The following CREB5 variants were observed in gnomAD, a reference collection of about 807,000 sequenced individuals.
The protein encoded by CREB5 is cyclic AMP-responsive element-binding protein 5.
CREB5 carries 19 observed loss-of-function variants against 57.1 expected under a neutral mutation model. The ratio of observed to expected loss-of-function variants is 0.33; its 90% CI spans 0.23 to 0.49. CREB5 has a LOEUF of 0.49. Ranked by LOEUF, CREB5 falls within the 20% of genes least tolerant of loss-of-function variation. The pLI is 0.99. For synonymous variants in CREB5, 238 were observed against 238.3 expected (o/e 1.00, Z 0.01); for missense variants, 579 against 671.6 (o/e 0.86, Z 1.52).
chr7:28,460,912 T>C (rs922203439), intron 1 of CREB5, among the ~76,000 whole-genome samples: 31 of 151,692 alleles, frequency 2.0e-4, no homozygotes, highest in African/African-American at 5.6e-4. Context: ...GTGGATCTTA[T>C]GGGGGGGCAT....
chr7:28,507,598 C>T lies in CREB5; in HGVS notation c.170-18C>T, dbSNP rs768366822. 5.6e-6 allele frequency: 9 copies of T among 1,603,896 alleles called. No individual in the cohort carries two copies. Among genetic ancestry groups the T allele is most frequent in the South Asian group, 1.1e-5 (1 of 90,066 alleles). On this transcript the variant is annotated intron_variant, in intron 3 of 10. Transcript: ENST00000357727. ...GAGAAAAAAGACCCATTTATGAGCT[C>T]TCCGACTCTGTTTTCAGATCAAACT...
chr7:28,362,410 A>T (rs1786504956), intron 1 of CREB5, among the ~76,000 whole-genome samples: 1 of 152,234 alleles, frequency 6.6e-6, no homozygotes, highest in Admixed American at 6.5e-5. Flanking sequence ...AAGAAATCAC[A>T]TGTGTTTAGT....
chr7:28,366,682 TCTC>T (rs1401317934), intron 1 of CREB5, among the ~76,000 whole-genome samples: 16 of 152,214 alleles, frequency 1.1e-4, no homozygotes, highest in African/African-American at 3.1e-4. Flanking sequence ...TCAGTTAAGT[TCTC>T]CTCCAATTTT....
intron 5 of CREB5, among the ~76,000 whole-genome samples, chr7:28,585,935 CA>C (rs1796290347): frequency 6.6e-6 from 1 of 152,168 alleles, no homozygotes; most frequent in Non-Finnish European, 1.5e-5. Context: ...TACCTTTGAG[CA>C]TAACAGATAA....
chr7:28,483,220 C>T (rs1329330476), intron 1 of CREB5, among the ~76,000 whole-genome samples: 1 of 152,130 alleles, frequency 6.6e-6, no homozygotes, highest in East Asian at 1.9e-4. Flanking sequence ...CAAGTATATC[C>T]CTAAATGGCT....
intron 5 of CREB5, among the ~76,000 whole-genome samples, chr7:28,588,171 A>C (rs160337): frequency 0.72 from 109,891 of 152,068 alleles, 40,503 homozygotes; most frequent in East Asian, 0.94. Context: ...TGGATCACAC[A>C]ATCTTTTGGA....
At chr7:28,437,492 T>C (rs1461744694) in intron 1 of CREB5, among the ~76,000 whole-genome samples, 1 of 152,178 alleles carries the variant, frequency 6.6e-6, no homozygotes, top group Non-Finnish European at 1.5e-5. Context: ...CCATAGATCT[T>C]CCTTCTATCA....
At chr7:28,753,946 A>C (rs758345371) in intron 7 of CREB5, among the ~76,000 whole-genome samples, 28 of 151,804 alleles carry the variant, frequency 1.8e-4, no homozygotes, top group Non-Finnish European at 4.0e-4. Flanking sequence ...TCTTTTTTAT[A>C]TTATTCTTTT....
At chr7:28,357,011 G>A (rs1583394861) in intron 1 of CREB5, among the ~76,000 whole-genome samples, 1 of 133,250 alleles carries the variant, frequency 7.5e-6, no homozygotes, top group South Asian at 2.7e-4. Context: ...TCTGTAACAA[G>A]TAATAAGACA....
chr7:28,672,190 C>CACAG (rs1197017288), intron 5 of CREB5, among the ~76,000 whole-genome samples: 1 of 149,874 alleles, frequency 6.7e-6, no homozygotes, highest in Admixed American at 6.7e-5. Flanking sequence ...AAAAAAAAAA[C>CACAG]ACACACACAC....
chr7:28,807,384 G>T (rs1019027630), intron 8 of CREB5, among the ~76,000 whole-genome samples: 2 of 152,230 alleles, frequency 1.3e-5, no homozygotes, highest in African/African-American at 4.8e-5. Flanking sequence ...GGGCAGCAAA[G>T]GTTGCAGTGA....
At chr7:28,384,038 C>G (rs1165557424) in intron 1 of CREB5, among the ~76,000 whole-genome samples, 2 of 152,150 alleles carry the variant, frequency 1.3e-5, no homozygotes, top group South Asian at 2.1e-4. Flanking sequence ...AATGAATACT[C>G]TTCTGGGTCC....
chr7:28,740,483 C>G (rs999008166), intron 7 of CREB5, among the ~76,000 whole-genome samples: 4 of 152,090 alleles, frequency 2.6e-5, no homozygotes, highest in Admixed American at 2.6e-4. Flanking sequence ...TTGGGAAACA[C>G]CAGTCTCAGA....
chr7:28,612,690 T>C (rs160374), intron 5 of CREB5, among the ~76,000 whole-genome samples: 67,106 of 151,656 alleles, frequency 0.44, 16,450 homozygotes, highest in Non-Finnish European at 0.55. Context: ...ATCTAATGTA[T>C]GCTATAGCTT....
intron 5 of CREB5, 98 bp from the exon 6 acceptor site, chr7:28,718,655 C>A: frequency 6.6e-7 from 1 of 1,513,580 alleles, no homozygotes; most frequent in South Asian, 1.2e-5. Flanking sequence ...ATCTGATCTG[C>A]TGCACATGTG....
intron 5 of CREB5, among the ~76,000 whole-genome samples, chr7:28,676,498 C>T (rs963769417): frequency 6.6e-6 from 1 of 152,214 alleles, no homozygotes. Flanking sequence ...ATTCTCCTTC[C>T]TGGGTCACTC....
chr7:28,764,485 A>G (rs117303370), intron 7 of CREB5, among the ~76,000 whole-genome samples: 150 of 152,308 alleles, frequency 9.8e-4, no homozygotes, highest in East Asian at 8.7e-3. Flanking sequence ...GATCAAAACT[A>G]AAACCGGAGA....
chr7:28,311,291 C>A (rs1785272026), intron 1 of CREB5, among the ~76,000 whole-genome samples: 1 of 152,136 alleles, frequency 6.6e-6, no homozygotes, highest in African/African-American at 2.4e-5. Context: ...GGCAGGTACT[C>A]TTTCTATCTC....
At chr7:28,347,261 T>C (rs187691926) in intron 1 of CREB5, among the ~76,000 whole-genome samples, 1 of 152,332 alleles carries the variant, frequency 6.6e-6, no homozygotes, top group African/African-American at 2.4e-5. Context: ...ATTTCCAGTG[T>C]GTTGTTCCAG....
Sources: gnomAD v4.1 joint callset for allele counts (sites outside exome capture counted in the v4.1 genomes callset) on GRCh38, gnomAD v4.1.1 for gene constraint, MANE v1.5 for transcripts, NCBI Gene and HGNC (gene_info 2026-07-23, HGNC 2026-07-21) for gene names.